ROBO1: variants seen among roughly 807,000 people sequenced by gnomAD.
The protein encoded by ROBO1 is roundabout homolog 1.
ROBO1 carries 149 observed loss-of-function variants against 195.9 expected under a neutral mutation model. That is an observed-to-expected ratio of 0.76 (90% CI 0.67 to 0.87). ROBO1 has a LOEUF of 0.87. Ranked by LOEUF, ROBO1 falls within the 40% of genes least tolerant of loss-of-function variation. The probability of loss-of-function intolerance (pLI) is 0.00; values close to 1 mark genes in which losing one functional copy is unlikely to be tolerated. For synonymous variants in ROBO1, 816 were observed against 733.2 expected (o/e 1.11, Z -1.82); for missense variants, 1,933 against 2,068.3 (o/e 0.93, Z 1.27).
chr3:79,449,830 T>C (rs1468050780), intron 2 of ROBO1, among the ~76,000 whole-genome samples: 1 of 152,192 alleles, frequency 6.6e-6, no homozygotes, highest in Non-Finnish European at 1.5e-5. Flanking sequence ...CACACACATA[T>C]GTGATGGCCA....
At chr3:78,860,157 A>G (rs1042197429) in intron 4 of ROBO1, among the ~76,000 whole-genome samples, 5 of 150,664 alleles carry the variant, frequency 3.3e-5, no homozygotes, top group Admixed American at 2.6e-4. Context: ...ATAGATAGAT[A>G]GATAGATAGA....
intron 1 of ROBO1, among the ~76,000 whole-genome samples, chr3:79,756,099 A>G (rs764616407): frequency 7.2e-5 from 11 of 152,252 alleles, no homozygotes; most frequent in Non-Finnish European, 1.6e-4. Context: ...TTAGTATATT[A>G]CAGTCCATAG....
chr3:79,367,897 A>G (rs1301941876), intron 2 of ROBO1, among the ~76,000 whole-genome samples: 1 of 152,192 alleles, frequency 6.6e-6, no homozygotes, highest in Non-Finnish European at 1.5e-5. Context: ...CACACAGAGA[A>G]TGCTGAGTGA....
intron 3 of ROBO1, among the ~76,000 whole-genome samples, chr3:79,039,597 A>G: frequency 6.6e-6 from 1 of 152,154 alleles, no homozygotes; most frequent in African/African-American, 2.4e-5. Context: ...GGAGTTCAAG[A>G]CCATCCTGGC....
At chr3:79,664,759 A>G (rs944276233) in intron 1 of ROBO1, among the ~76,000 whole-genome samples, 2 of 151,878 alleles carry the variant, frequency 1.3e-5, no homozygotes, top group Non-Finnish European at 2.9e-5. Context: ...ATGCCCTGAC[A>G]TCTTTAACTC....
chr3:79,543,278 G>T (rs1164144815), intron 2 of ROBO1, among the ~76,000 whole-genome samples: 1 of 151,954 alleles, frequency 6.6e-6, no homozygotes, highest in East Asian at 1.9e-4. Context: ...TTCCAGATTC[G>T]CTTTTTTCAA....
intron 2 of ROBO1, among the ~76,000 whole-genome samples, chr3:79,209,183 C>T (rs1003166296): frequency 6.6e-6 from 1 of 152,068 alleles, no homozygotes; most frequent in African/African-American, 2.4e-5. Flanking sequence ...CACACCAAGT[C>T]CCCAAAGTCC....
At chr3:79,364,242 A>ATG (rs1553726913) in intron 2 of ROBO1, among the ~76,000 whole-genome samples, 1 of 147,064 alleles carries the variant, frequency 6.8e-6, no homozygotes, top group Non-Finnish European at 1.5e-5. Context: ...GTGTGTATAT[A>ATG]TATATATATA....
intron 4 of ROBO1, among the ~76,000 whole-genome samples, chr3:78,817,307 G>A (rs2030150844): frequency 6.6e-6 from 1 of 152,160 alleles, no homozygotes; most frequent in Non-Finnish European, 1.5e-5. Flanking sequence ...TAAGATGATT[G>A]TTTGCATTTT....
chr3:79,226,794 A>T (rs2082235339), intron 2 of ROBO1, among the ~76,000 whole-genome samples: 1 of 151,506 alleles, frequency 6.6e-6, no homozygotes, highest in Non-Finnish European at 1.5e-5. Flanking sequence ...CAGTCCTCCC[A>T]CCTTGGCCTC....
At chr3:78,911,565 C>T (rs901642100) in intron 4 of ROBO1, among the ~76,000 whole-genome samples, 2 of 151,918 alleles carry the variant, frequency 1.3e-5, no homozygotes, top group Non-Finnish European at 1.5e-5. Flanking sequence ...AAATAATGTC[C>T]GTTGTGCTGT....
At chr3:79,092,828 A>T (rs932513348) in intron 3 of ROBO1, among the ~76,000 whole-genome samples, 2 of 152,262 alleles carry the variant, frequency 1.3e-5, no homozygotes, top group Admixed American at 6.5e-5. Context: ...TTTTGACCTC[A>T]TTCTCCTCTA....
rs148575149 is a variant in ROBO1, at chr3:78,786,660, C to G, written c.500-39760G>C. Among the ~76,000 whole-genome samples, 1,043 of 152,166 alleles carry G rather than the reference C, an allele frequency of 6.9e-3. 6 individuals are homozygous for G. Among genetic ancestry groups the G allele is most frequent in the Non-Finnish European group, 0.012 (819 of 68,004 alleles). On this transcript the variant is annotated intron_variant, in intron 4 of 30. Transcript: ENST00000464233. ...TGATAGTGAATAAGTCTCACGAGAT[C>G]TGATGGTTTTATAAAGGCAGTTCCC...
intron 2 of ROBO1, among the ~76,000 whole-genome samples, chr3:79,529,054 A>G (rs1475966174): frequency 1.3e-5 from 2 of 152,222 alleles, no homozygotes. Flanking sequence ...TTGTTAGTTT[A>G]TAGACAATGC....
intron 4 of ROBO1, among the ~76,000 whole-genome samples, chr3:78,803,977 A>C (rs2084450094): frequency 6.6e-6 from 1 of 152,158 alleles, no homozygotes; most frequent in South Asian, 2.1e-4. Context: ...TCTGTATAAA[A>C]ATCATATGCA....
At chr3:78,936,616 A>G (rs936139887) in intron 4 of ROBO1, among the ~76,000 whole-genome samples, 2 of 152,068 alleles carry the variant, frequency 1.3e-5, no homozygotes, top group Non-Finnish European at 2.9e-5. Context: ...TATAGCAACA[A>G]TTACTATATG....
chr3:78,671,470 T>C (rs1011535030), intron 10 of ROBO1, among the ~76,000 whole-genome samples: 4 of 151,982 alleles, frequency 2.6e-5, no homozygotes, highest in Non-Finnish European at 5.9e-5. Flanking sequence ...TTGGAAGCAA[T>C]AATTTTCAAA....
chr3:79,621,610 C>T (rs1183223952), intron 1 of ROBO1, among the ~76,000 whole-genome samples: 1 of 152,116 alleles, frequency 6.6e-6, no homozygotes, highest in Admixed American at 6.6e-5. Context: ...GTTTTATTTT[C>T]AGTCTTTTTC....
chr3:79,273,593 A>T (rs2030766428), intron 2 of ROBO1, among the ~76,000 whole-genome samples: 1 of 152,042 alleles, frequency 6.6e-6, no homozygotes, highest in Non-Finnish European at 1.5e-5. Flanking sequence ...GACAGAAAGG[A>T]ATGAAAGAAG....
Sources: gnomAD v4.1 joint callset for allele counts (sites outside exome capture counted in the v4.1 genomes callset) on GRCh38, gnomAD v4.1.1 for gene constraint, MANE v1.5 for transcripts, NCBI Gene and HGNC (gene_info 2026-07-23, HGNC 2026-07-21) for gene names.